Variants in ECHS1 observed in about 807,000 individuals in gnomAD.
ECHS1 encodes the protein enoyl-CoA hydratase, mitochondrial.
In ECHS1, 19 loss-of-function variants were observed where a neutral mutation model predicts 33.5. That is an observed-to-expected ratio of 0.57 (90% confidence interval 0.40 to 0.83). The LOEUF is 0.83. Ranked by LOEUF, ECHS1 falls within the 40% of genes least tolerant of loss-of-function variation. The probability of loss-of-function intolerance (pLI) is 0.00; values close to 1 mark genes in which losing one functional copy is unlikely to be tolerated. For missense variants in ECHS1, 365 were observed against 381.3 expected (o/e 0.96, Z 0.36); for synonymous variants, 158 against 146.6 (o/e 1.08, Z -0.56).
chr10:133,366,682 G>A (rs1252708560), intron 5 of ECHS1, among the ~76,000 whole-genome samples: 1 of 140,862 alleles, frequency 7.1e-6, no homozygotes, highest in Non-Finnish European at 1.5e-5. Context: ...CCTGGATGCA[G>A]CTCTGGGTTT....
rs1064796957 is a variant in ECHS1, at chr10:133,365,981, T to C, written c.734A>G (p.Asn245Ser). The change falls in exon 6 of 8, where the codon AAT (asparagine) becomes AGT (serine). Residue 245 changes from asparagine to serine, a missense_variant. Physicochemically the swap from Asn to Ser is conservative, Grantham distance 46 (BLOSUM62 1). Transcript: ENST00000368547. ...CTTCCTGGCAGATCCCCTACCTGCA[T>C]TCACTGATTCTTTGGCCATCGCTAC... The part of the protein sequence containing the change: ...IVVAMAKESV[N>S]AAFEMTLTEG... 6.2e-7 allele frequency: 1 copy of C among 1,613,866 alleles called. No homozygotes were observed. Among genetic ancestry groups the C allele is most frequent in the Non-Finnish European group, 8.5e-7 (1 of 1,179,996 alleles).
At position 133,370,704 on chromosome 10, in the gene ECHS1, C is replaced by T; in HGVS notation, c.142G>A (p.Gly48Arg). 6.2e-7 allele frequency: 1 copy of T among 1,613,214 alleles called. No individual in the cohort carries two copies. Among genetic ancestry groups the T allele is most frequent in the Non-Finnish European group, 8.5e-7 (1 of 1,179,760 alleles). Residue 48 changes from glycine to arginine, a missense_variant, in exon 2 of 8, where the codon GGG (glycine) becomes AGG (arginine). Coordinates refer to ENST00000368547, the MANE Select transcript of ECHS1 (RefSeq NM_004092.4). Reference sequence around the variant, plus strand: ...TTGGGGCGGTTCAGTTGGATCAACCCCACGGTGTTATTCTTCCCTCTTTTT... The same window carrying T: ...TTGGGGCGGTTCAGTTGGATCAACCTCACGGTGTTATTCTTCCCTCTTTTT... ...AEKRGKNNTV[G>R]LIQLNRPKAL...
At chr10:133,372,192 G>C (rs894732999) in intron 1 of ECHS1, among the ~76,000 whole-genome samples, 31 of 152,240 alleles carry the variant, frequency 2.0e-4, no homozygotes, top group Admixed American at 7.8e-4. Context: ...TGTCAGGGTG[G>C]AGAAGCCGAA....
intron 3 of ECHS1, 108 bp from the exon 4 acceptor site, chr10:133,369,130 G>A: frequency 3.1e-6 from 3 of 970,910 alleles, no homozygotes; most frequent in Non-Finnish European, 4.7e-6. Context: ...TTGGGGGTAT[G>A]ACAAAGACTA....
At position 133,368,980 on chromosome 10, in the gene ECHS1, A is replaced by G; in HGVS notation, c.457T>C (p.Tyr153His). The change falls in exon 4 of 8, where the codon TAT becomes CAT. Residue 153 changes from tyrosine to histidine, a missense_variant. Physicochemically the swap from Tyr to His is moderately conservative, Grantham distance 83. Transcript: ENST00000368547. ...GCAAACTGGGCCTTCTCACCGGCAT[A>G]GATGATATCACACATCATGGCAAGC... ...CELAMMCDII[Y>H]AGEKAQFAQP... 1.2e-6 allele frequency: 2 copies of G among 1,613,764 alleles called. No homozygotes were observed. Among genetic ancestry groups the G allele is most frequent in the Non-Finnish European group, 1.7e-6 (2 of 1,179,954 alleles).
At chr10:133,370,092 T>A in intron 2 of ECHS1, 61 bp from the exon 3 acceptor site, 1 of 1,596,916 alleles carries the variant, frequency 6.3e-7, no homozygotes, top group East Asian at 2.2e-5. Context: ...CCATCCTATA[T>A]CTCTCAGACC....
chr10:133,365,450 G>A (rs918773327), intron 6 of ECHS1, among the ~76,000 whole-genome samples: 7 of 152,236 alleles, frequency 4.6e-5, no homozygotes, highest in African/African-American at 1.7e-4. Context: ...CATTCCACAT[G>A]CTGAGAATAA....
At chr10:133,364,767 T>A in intron 6 of ECHS1, 42 bp from the exon 7 acceptor site, 1 of 1,535,102 alleles carries the variant, frequency 6.5e-7, no homozygotes, top group Non-Finnish European at 9.0e-7. Flanking sequence ...AGATATTACA[T>A]GCAGAACTTT....
chr10:133,364,249 TTTTA>T (rs1196737375), intron 7 of ECHS1, among the ~76,000 whole-genome samples: 4 of 152,160 alleles, frequency 2.6e-5, no homozygotes, highest in South Asian at 2.1e-4. Context: ...CGGCCTCATT[TTTTA>T]AAAAAGTCTT....
At chr10:133,366,847 C>T in intron 5 of ECHS1, 42 bp downstream of exon 5, 1 of 1,518,524 alleles carries the variant, frequency 6.6e-7, no homozygotes, top group Non-Finnish European at 9.1e-7. Context: ...GGCTCCCACC[C>T]CGGGTTTCCA....
At chr10:133,370,115 C>T in intron 2 of ECHS1, 84 bp from the exon 3 acceptor site, 1 of 1,551,206 alleles carries the variant, frequency 6.4e-7, no homozygotes, top group Non-Finnish European at 8.7e-7. Context: ...CAAGGAACTT[C>T]AGAGCACACC....
chr10:133,366,825 G>T, intron 5 of ECHS1, 64 bp downstream of exon 5: 1 of 1,327,884 alleles, frequency 7.5e-7, no homozygotes. Flanking sequence ...ATGCCGCCCT[G>T]GGTTTCTGTG....
intron 1 of ECHS1, among the ~76,000 whole-genome samples, chr10:133,372,508 G>A (rs990343245): frequency 3.4e-4 from 51 of 152,162 alleles, no homozygotes; most frequent in African/African-American, 1.1e-3. Flanking sequence ...CGGGCTGGCC[G>A]GCTGCACAGG....
At chr10:133,363,700 C>T (rs890286625) in intron 7 of ECHS1, among the ~76,000 whole-genome samples, 4 of 152,186 alleles carry the variant, frequency 2.6e-5, no homozygotes, top group Non-Finnish European at 5.9e-5. Context: ...AGGAGAATCA[C>T]TTGAACCCAG....
intron 7 of ECHS1, among the ~76,000 whole-genome samples, chr10:133,363,468 T>C (rs1005209573): frequency 2.0e-5 from 3 of 152,226 alleles, no homozygotes; most frequent in African/African-American, 7.2e-5. Context: ...TATGACTTTC[T>C]CCCAGTGAAA....
At chr10:133,362,981 C>T (rs1405644217) in intron 7 of ECHS1, 48 bp from the exon 8 acceptor site, 18 of 1,602,506 alleles carry the variant, frequency 1.1e-5, no homozygotes, top group Non-Finnish European at 1.5e-5. Context: ...AGTATCCTCA[C>T]AGAGCCTGAT....
In ECHS1 at chr10:133,370,645, G is replaced by T. The variant is rs775459392; in HGVS notation, c.201C>A (p.Asp67Glu). ...ALNALCDGLIDELNQALKTFE... is the reference protein window; with the variant it reads ...ALNALCDGLIEELNQALKTFE... ...AGGTCTTCAGGGCCTGGTTGAGCTC[G>T]TCAATCAGGCCATCGCAAAGTGCAT... The change falls in exon 2 of 8, where the codon GAC becomes GAA. Residue 67 changes from aspartate (D) to glutamate (E), a missense_variant. Asp to Glu is a conservative substitution (Grantham distance 45). Transcript: ENST00000368547. 1.2e-6 allele frequency: 2 copies of T among 1,612,984 alleles called. No homozygotes were observed. The highest frequency in any genetic ancestry group is 2.2e-5 in the South Asian group (2 of 90,986).
Position 133,362,548 on chromosome 10 carries a change from G to C in ECHS1, c.*320C>G, listed in dbSNP as rs1050126. ...AAGGCAGCAGACAGCGTTTCCCTCA[G>C]AGCAGCCCCATTCTTCAGCGGCAGG... On this transcript the variant is annotated 3_prime_UTR_variant, in exon 8 of 8. Transcript: ENST00000368547. 1 of 443,728 alleles carries C rather than the reference G, an allele frequency of 2.3e-6. No homozygotes were observed. Among genetic ancestry groups the C allele is most frequent in the Non-Finnish European group, 4.1e-6 (1 of 243,044 alleles). The allele number at this position is 443,728 out of a possible 1,614,324, so 27.5% of individuals were successfully genotyped here. A position where few individuals can be genotyped will look rare whatever the true frequency, so the allele number is the denominator to read the frequency against.
chr10:133,368,612 A>G (rs1274047022), intron 4 of ECHS1, among the ~76,000 whole-genome samples: 1 of 152,106 alleles, frequency 6.6e-6, no homozygotes, highest in African/African-American at 2.4e-5. Context: ...CAGGGTCACC[A>G]TGTTCCCTCT....
Sources: gnomAD v4.1 joint callset for allele counts (sites outside exome capture counted in the v4.1 genomes callset) on GRCh38, gnomAD v4.1.1 for gene constraint, MANE v1.5 for transcripts, NCBI Gene and HGNC (gene_info 2026-07-23, HGNC 2026-07-21) for gene names.